The following DLGAP2 variants were observed in gnomAD, a reference collection of about 807,000 sequenced individuals.
DLGAP2 encodes DLG associated protein 2, also known as disks large-associated protein 2.
DLGAP2 carries 26 observed loss-of-function variants against 100.3 expected under a neutral mutation model. The ratio of observed to expected loss-of-function variants is 0.26; its 90% CI spans 0.19 to 0.36. The LOEUF (loss-of-function observed/expected upper bound fraction) is 0.36, where lower values mean the gene tolerates loss of function less well. Ranked by LOEUF, DLGAP2 falls within the 10% of genes least tolerant of loss-of-function variation. DLGAP2 has a pLI of 1.00. For missense variants in DLGAP2, 1,858 were observed against 1,453.2 expected (o/e 1.28, Z -4.53); for synonymous variants, 886 against 630.1 (o/e 1.41, Z -6.08).
chr8:1,130,978 T>G (rs539742007), intron 2 of DLGAP2, among the ~76,000 whole-genome samples: 1 of 152,220 alleles, frequency 6.6e-6, no homozygotes, highest in Non-Finnish European at 1.5e-5. Context: ...GTCCTACTGT[T>G]GCCCAGAGCA....
At chr8:1,186,403 G>T (rs913177579) in intron 2 of DLGAP2, among the ~76,000 whole-genome samples, 1 of 152,214 alleles carries the variant, frequency 6.6e-6, no homozygotes, top group Non-Finnish European at 1.5e-5. Context: ...AGAAACGGGT[G>T]GGGGACAGTT....
chr8:833,426 C>CT (rs1302077369), intron 1 of DLGAP2, among the ~76,000 whole-genome samples: 14 of 152,298 alleles, frequency 9.2e-5, no homozygotes, highest in Non-Finnish European at 1.8e-4. Context: ...CTGGGGGGAC[C>CT]TGTTTCTCAG....
intron 3 of DLGAP2, among the ~76,000 whole-genome samples, chr8:1,499,102 C>A: frequency 6.6e-6 from 1 of 152,246 alleles, no homozygotes; most frequent in East Asian, 1.9e-4. Context: ...GACCTTCAAA[C>A]GTCCCCACTC....
Position 1,626,835 on chromosome 8 carries a change from A to G in DLGAP2, c.1538A>G (p.Gln513Arg), listed in dbSNP as rs776974947. ...YNSPKFRSRN[Q>R]SYMRAVSTLS... ...TCCCCGAAATTCCGCTCCCGGAACC[A>G]GAGCTACATGAGGGCCGTCAGCACC... Residue 513 changes from glutamine (Q) to arginine (R), a missense_variant, in exon 7 of 15, where the codon CAG becomes CGG. Physicochemically the swap from Gln to Arg is conservative, Grantham distance 43. Coordinates refer to ENST00000637795, the MANE Select transcript of DLGAP2 (RefSeq NM_001346810.2). 16 of 1,607,338 alleles carry G rather than the reference A, an allele frequency of 1.0e-5. No individual in the cohort carries two copies. The highest frequency in any genetic ancestry group is 1.3e-5 in the Non-Finnish European group (15 of 1,177,178).
intron 3 of DLGAP2, among the ~76,000 whole-genome samples, chr8:1,421,819 C>G (rs541838415): frequency 9.2e-5 from 14 of 151,986 alleles, no homozygotes; most frequent in Non-Finnish European, 1.8e-4. Flanking sequence ...CAAAAATTAG[C>G]CAGGTATGGT....
chr8:1,182,060 A>G (rs1338869853), intron 2 of DLGAP2, among the ~76,000 whole-genome samples: 1 of 152,242 alleles, frequency 6.6e-6, no homozygotes, highest in Non-Finnish European at 1.5e-5. Flanking sequence ...CGTAAGAGCC[A>G]TGTGCCTGAT....
At chr8:1,118,120 C>T (rs527666237) in intron 2 of DLGAP2, among the ~76,000 whole-genome samples, 46 of 152,162 alleles carry the variant, frequency 3.0e-4, no homozygotes, top group Non-Finnish European at 4.3e-4. Context: ...GACAGAGGAG[C>T]GGGCGGAGTG....
At chr8:1,097,926 C>T (rs1017599841) in intron 2 of DLGAP2, among the ~76,000 whole-genome samples, 5 of 151,906 alleles carry the variant, frequency 3.3e-5, no homozygotes, top group African/African-American at 1.2e-4. Context: ...AGCTGGGAGC[C>T]TAGGGCAGGC....
chr8:1,363,255 A>T (rs1287918367), intron 3 of DLGAP2, among the ~76,000 whole-genome samples: 1 of 152,190 alleles, frequency 6.6e-6, no homozygotes, highest in Non-Finnish European at 1.5e-5. Flanking sequence ...GCATCCCGAA[A>T]GCGCCCCCAC....
At chr8:1,039,605 TGCGTGG>T (rs1328978848) in intron 2 of DLGAP2, among the ~76,000 whole-genome samples, 7 of 114,048 alleles carry the variant, frequency 6.1e-5, no homozygotes, top group African/African-American at 2.6e-4. Flanking sequence ...CAGCTTGGTG[TGCGTGG>T]TCAGCTCGGT....
intron 8 of DLGAP2, 105 bp downstream of exon 8, chr8:1,633,151 T>C (rs1797692318): frequency 1.9e-6 from 2 of 1,075,658 alleles, no homozygotes; most frequent in South Asian, 1.5e-5. Context: ...CAATGTACTC[T>C]CCTGACATCT....
At chr8:1,162,280 CGGCGTCTGCGTAGGT>C (rs1299681369) in intron 2 of DLGAP2, among the ~76,000 whole-genome samples, 3 of 152,190 alleles carry the variant, frequency 2.0e-5, no homozygotes, top group Non-Finnish European at 4.4e-5. Flanking sequence ...TACCCTGCAC[CGGCGTCTGCGTAGGT>C]GAGTCTGACT....
intron 2 of DLGAP2, among the ~76,000 whole-genome samples, chr8:1,165,356 C>T (rs549839981): frequency 7.2e-5 from 11 of 152,280 alleles, no homozygotes; most frequent in Admixed American, 6.5e-4. Context: ...CCAGGACCAT[C>T]GGCCGTTGGC....
At chr8:909,797 T>C (rs1056495414) in intron 2 of DLGAP2, among the ~76,000 whole-genome samples, 2 of 152,182 alleles carry the variant, frequency 1.3e-5, no homozygotes, top group Non-Finnish European at 2.9e-5. Flanking sequence ...CCATGCAGAA[T>C]GGAAAGATGG....
At chr8:1,002,006 G>A (rs1050394492) in intron 2 of DLGAP2, 1 of 152,170 alleles carries the variant, frequency 6.6e-6, no homozygotes, top group African/African-American at 2.4e-5. Flanking sequence ...CACAATATAC[G>A]ATACGGGCAC....
intron 3 of DLGAP2, among the ~76,000 whole-genome samples, chr8:1,475,026 C>A (rs1403371760): frequency 6.6e-6 from 1 of 152,208 alleles, no homozygotes; most frequent in African/African-American, 2.4e-5. Context: ...ATAGTGCATA[C>A]ACACCATGGA....
intron 2 of DLGAP2, among the ~76,000 whole-genome samples, chr8:1,107,751 G>A (rs1303576008): frequency 1.3e-5 from 2 of 152,314 alleles, no homozygotes; most frequent in East Asian, 3.9e-4. Flanking sequence ...TATTATGCCA[G>A]GGACTCTGTT....
intron 2 of DLGAP2, among the ~76,000 whole-genome samples, chr8:908,927 TAATTTGTTGGG>T (rs768295725): frequency 6.6e-6 from 1 of 152,248 alleles, no homozygotes; most frequent in Non-Finnish European, 1.5e-5. Context: ...TAGAAGAATT[TAATTTGTTGGG>T]ATTTACTGTT....
At chr8:1,179,120 T>C (rs1432122755) in intron 2 of DLGAP2, among the ~76,000 whole-genome samples, 1 of 152,154 alleles carries the variant, frequency 6.6e-6, no homozygotes, top group Admixed American at 6.5e-5. Context: ...CTGTTTACGA[T>C]ACCAAAGTGC....
Sources: gnomAD v4.1 joint callset for allele counts (sites outside exome capture counted in the v4.1 genomes callset) on GRCh38, gnomAD v4.1.1 for gene constraint, MANE v1.5 for transcripts, NCBI Gene and HGNC (gene_info 2026-07-23, HGNC 2026-07-21) for gene names.